ULK4: variants seen among roughly 807,000 people sequenced by gnomAD.
ULK4 encodes the protein inactive serine/threonine-protein kinase ULK4.
ULK4 carries 133 observed loss-of-function variants against 160.6 expected under a neutral mutation model. The ratio of observed to expected loss-of-function variants is 0.83; its 90% CI spans 0.72 to 0.96. The LOEUF is 0.96. Ranked by LOEUF, ULK4 falls within the 40% of genes least tolerant of loss-of-function variation. The pLI is 0.00. For synonymous variants in ULK4, 534 were observed against 539.8 expected (o/e 0.99, Z 0.15); for missense variants, 1,580 against 1,499.5 (o/e 1.05, Z -0.89).
chr3:41,612,933 G>A (rs185314323), intron 31 of ULK4, among the ~76,000 whole-genome samples: 1 of 152,242 alleles, frequency 6.6e-6, no homozygotes, highest in Non-Finnish European at 1.5e-5. Flanking sequence ...GACAGAAGCT[G>A]GAAAACAGGG....
intron 32 of ULK4, 96 bp from the exon 33 acceptor site, chr3:41,463,349 T>A: frequency 1.6e-6 from 2 of 1,253,550 alleles, no homozygotes; most frequent in Non-Finnish European, 2.2e-6. Context: ...CTATGTTGCA[T>A]AAACCCTAAG....
chr3:41,700,255 G>A (rs1358777474), intron 27 of ULK4, among the ~76,000 whole-genome samples: 1 of 152,124 alleles, frequency 6.6e-6, no homozygotes, highest in East Asian at 1.9e-4. Context: ...GACCATGAGA[G>A]CATGGAGCTG....
intron 17 of ULK4, chr3:41,859,248 C>T: frequency 5.5e-6 from 3 of 545,682 alleles, no homozygotes; most frequent in Non-Finnish European, 1.1e-5. Flanking sequence ...CCAAAATGGG[C>T]AAGTCAAGAA....
At chr3:41,602,314 A>C (rs1559425612) in intron 31 of ULK4, among the ~76,000 whole-genome samples, 1 of 126,982 alleles carries the variant, frequency 7.9e-6, no homozygotes, top group Non-Finnish European at 1.7e-5. Flanking sequence ...AGGAAAGGAA[A>C]GGAAAGGAGG....
chr3:41,581,562 T>A (rs1018855016), intron 31 of ULK4, among the ~76,000 whole-genome samples: 1 of 151,980 alleles, frequency 6.6e-6, no homozygotes, highest in East Asian at 1.9e-4. Flanking sequence ...TGAAAAAAGT[T>A]AAAAAAAATA....
chr3:41,704,121 G>T (rs17060668), intron 27 of ULK4, among the ~76,000 whole-genome samples: 8,180 of 152,180 alleles, frequency 0.054, 716 homozygotes, highest in African/African-American at 0.19. Flanking sequence ...TTAGTTGTTG[G>T]AAATTTGAAA....
intron 32 of ULK4, among the ~76,000 whole-genome samples, chr3:41,504,390 A>G (rs1575322718): frequency 6.6e-6 from 1 of 152,222 alleles, no homozygotes; most frequent in East Asian, 1.9e-4. Flanking sequence ...TTCTCAAAAA[A>G]TATTTAAATA....
intron 22 of ULK4, among the ~76,000 whole-genome samples, chr3:41,742,322 C>A (rs980871442): frequency 6.6e-6 from 1 of 151,984 alleles, no homozygotes; most frequent in African/African-American, 2.4e-5. Context: ...GGCTGATCCT[C>A]CATTCCCTGC....
chr3:41,908,374 C>T (rs1038809258), intron 11 of ULK4, among the ~76,000 whole-genome samples: 2 of 152,150 alleles, frequency 1.3e-5, no homozygotes, highest in Non-Finnish European at 2.9e-5. Flanking sequence ...AATGATTCTT[C>T]CTACACATAT....
At chr3:41,745,211 A>C (rs1348177077) in intron 22 of ULK4, among the ~76,000 whole-genome samples, 1 of 151,406 alleles carries the variant, frequency 6.6e-6, no homozygotes, top group Non-Finnish European at 1.5e-5. Flanking sequence ...CAGGGAATGG[A>C]CTGAAAACAG....
chr3:41,803,707 T>C (rs1412672850), intron 19 of ULK4, among the ~76,000 whole-genome samples: 1 of 152,138 alleles, frequency 6.6e-6, no homozygotes, highest in African/African-American at 2.4e-5. Flanking sequence ...CATTGTTCAA[T>C]TCCCACCTAT....
At position 41,883,942 on chromosome 3, in the gene ULK4, C is replaced by A; in HGVS notation, c.1588G>T (p.Val530Phe). Residue 530 changes from valine to phenylalanine, a missense_variant, in exon 17 of 37, where the codon GTT (valine) becomes TTT (phenylalanine). By Grantham distance (50) the Val-to-Phe change is conservative. Coordinates refer to ENST00000301831, the MANE Select transcript of ULK4 (RefSeq NM_017886.4). ...IAPNWDIRAKVAHVIGLLASH... is the reference protein window; with the variant it reads ...IAPNWDIRAKFAHVIGLLASH... ...GCCAGTAAACCAATTACGTGAGCAA[C>A]CTTGGCCCGTCTGTAAATGGAGAGA... 6.2e-7 allele frequency: 1 copy of A among 1,609,594 alleles called. No individual in the cohort carries two copies. Among genetic ancestry groups the A allele is most frequent in the Admixed American group, 1.7e-5 (1 of 60,014 alleles).
chr3:41,582,630 T>C (rs1362584221), intron 31 of ULK4, among the ~76,000 whole-genome samples: 1 of 152,216 alleles, frequency 6.6e-6, no homozygotes, highest in East Asian at 1.9e-4. Flanking sequence ...TGTTGGCTTC[T>C]GGGCATTGAT....
intron 5 of ULK4, among the ~76,000 whole-genome samples, chr3:41,927,932 T>G (rs999112823): frequency 6.6e-6 from 1 of 152,066 alleles, no homozygotes; most frequent in East Asian, 1.9e-4. Flanking sequence ...CCACTGTCAA[T>G]ATTAGACAGA....
At chr3:41,494,521 A>G (rs1444613732) in intron 32 of ULK4, among the ~76,000 whole-genome samples, 1 of 151,274 alleles carries the variant, frequency 6.6e-6, no homozygotes, top group Non-Finnish European at 1.5e-5. Flanking sequence ...AACTGGCACA[A>G]GACAGGGATG....
At chr3:41,848,899 A>G (rs1334288084) in intron 17 of ULK4, among the ~76,000 whole-genome samples, 3 of 152,222 alleles carry the variant, frequency 2.0e-5, no homozygotes, top group Non-Finnish European at 2.9e-5. Context: ...CCTTGACACA[A>G]AAACATTTCC....
chr3:41,757,629 C>CAAA lies in ULK4; in HGVS notation c.2194-3144_2194-3142dup, dbSNP rs1197436719. 6.6e-4 allele frequency among the ~76,000 whole-genome samples: 42 copies of CAAA among 63,628 alleles called. 1 individual carries two copies. The highest frequency in any genetic ancestry group is 2.1e-3 in the African/African-American group (36 of 16,882). 41.7% of individuals were successfully genotyped at this position (63,628 alleles called of 152,430 possible). On this transcript the variant is annotated intron_variant, in intron 21 of 36. Coordinates refer to ENST00000301831, the MANE Select transcript of ULK4 (RefSeq NM_017886.4). ...CCTGCGCAACAGAGCGAGACTCTCT[C>CAAA]AAAAAAAAAAAAAAAAAAAAAAAGT... is the stretch of plus-strand genomic sequence containing the variant.
chr3:41,489,468 C>A (rs2084669055), intron 32 of ULK4, among the ~76,000 whole-genome samples: 1 of 152,108 alleles, frequency 6.6e-6, no homozygotes, highest in Non-Finnish European at 1.5e-5. Flanking sequence ...TCTTGCTTGG[C>A]CCCATGCCTC....
chr3:41,647,456 C>T (rs2034549933), intron 30 of ULK4, among the ~76,000 whole-genome samples: 1 of 152,194 alleles, frequency 6.6e-6, no homozygotes, highest in South Asian at 2.1e-4. Context: ...GCTAGAGGTC[C>T]ACTCCAGACC....
Sources: gnomAD v4.1 joint callset for allele counts (sites outside exome capture counted in the v4.1 genomes callset) on GRCh38, gnomAD v4.1.1 for gene constraint, MANE v1.5 for transcripts, NCBI Gene and HGNC (gene_info 2026-07-23, HGNC 2026-07-21) for gene names.